BOC: variants seen among roughly 807,000 people sequenced by gnomAD.
BOC encodes BOC cell adhesion associated, oncogene regulated, also known as brother of CDO.
Under a neutral mutation model 112.0 loss-of-function variants are expected in BOC, and 76 were observed. That is an observed-to-expected ratio of 0.68 (90% CI 0.56 to 0.82). The LOEUF (loss-of-function observed/expected upper bound fraction) is 0.82. Ranked by LOEUF, BOC falls within the 40% of genes least tolerant of loss-of-function variation. The pLI is 0.00. For missense variants in BOC, 1,309 were observed against 1,511.7 expected (o/e 0.87, Z 2.22); for synonymous variants, 580 against 599.8 (o/e 0.97, Z 0.48).
Position 113,255,523 on chromosome 3 carries a change from C to T in BOC, c.376+4690C>T, listed in dbSNP as rs16860716. On this transcript the variant is annotated intron_variant, in intron 4 of 19. Transcript: ENST00000682979. ...TATTCTCCCAATTCTCCCATCATCC[C>T]TAGGTCCCACTGGTAGCTGGAAATA... 5.4e-3 allele frequency among the ~76,000 whole-genome samples: 820 copies of T among 152,324 alleles called. 6 individuals are homozygous for T. The highest frequency in any genetic ancestry group is 0.018 in the African/African-American group (766 of 41,574).
intron 16 of BOC, among the ~76,000 whole-genome samples, chr3:113,284,105 T>C (rs186812962): frequency 5.9e-5 from 9 of 152,188 alleles, no homozygotes; most frequent in Admixed American, 2.0e-4. Context: ...CCCTGGACCC[T>C]GTATCTCCCC....
At chr3:113,243,258 A>T (rs895938176) in intron 2 of BOC, among the ~76,000 whole-genome samples, 1 of 152,244 alleles carries the variant, frequency 6.6e-6, no homozygotes, top group African/African-American at 2.4e-5. Flanking sequence ...AAAACAGCAG[A>T]GCTGACCCTT....
intron 5 of BOC, 25 bp downstream of exon 5, chr3:113,268,470 C>T (rs769657090): frequency 1.4e-5 from 23 of 1,610,010 alleles, no homozygotes; most frequent in African/African-American, 4.0e-5. Flanking sequence ...GCCCAGAGGC[C>T]AAGGCTGAGG....
intron 2 of BOC, among the ~76,000 whole-genome samples, chr3:113,223,851 G>T (rs775681973): frequency 1.4e-4 from 21 of 152,198 alleles, no homozygotes; most frequent in Non-Finnish European, 2.4e-4. Flanking sequence ...GAGACCCCTC[G>T]CCCGCAACCA....
chr3:113,230,641 T>G (rs922636245), intron 2 of BOC, among the ~76,000 whole-genome samples: 1 of 152,240 alleles, frequency 6.6e-6, no homozygotes, highest in African/African-American at 2.4e-5. Flanking sequence ...ACATGTTAAT[T>G]CAACAAGTGG....
chr3:113,279,155 C>G, intron 11 of BOC, 94 bp from the exon 12 acceptor site: 1 of 1,327,188 alleles, frequency 7.5e-7, no homozygotes, highest in Non-Finnish European at 1.1e-6. Context: ...AGGAGCAGGC[C>G]AGGCCCAGTG....
rs879025887 is a variant in BOC, at chr3:113,273,084, C to T, written c.977C>T (p.Thr326Ile). 6.2e-7 allele frequency: 1 copy of T among 1,605,060 alleles called. No individual in the cohort carries two copies. Among genetic ancestry groups the T allele is most frequent in the Admixed American group, 1.7e-5 (1 of 59,828 alleles). ...NVQVFEPPEV[T>I]MELSQLVIPW... ...TTCCTGGCAGAACCCCCTGAGGTCA[C>T]CATGGAGCTATCCCAGCTGGTCATC... The change falls in exon 8 of 20, where the codon ACC (threonine) becomes ATC (isoleucine). Residue 326 changes from threonine to isoleucine, a missense_variant. Physicochemically the swap from Thr to Ile is moderately conservative, Grantham distance 89. Transcript: ENST00000682979.
intron 2 of BOC, among the ~76,000 whole-genome samples, chr3:113,235,430 T>C (rs1352475624): frequency 6.6e-6 from 1 of 152,124 alleles, no homozygotes; most frequent in East Asian, 1.9e-4. Context: ...GGAGGGATTA[T>C]AGGGGTATGT....
chr3:113,224,638 AG>A (rs997554388), intron 2 of BOC, among the ~76,000 whole-genome samples: 6 of 152,196 alleles, frequency 3.9e-5, no homozygotes, highest in African/African-American at 1.4e-4. Context: ...AAAGGTAGAC[AG>A]GGTTCCAACC....
rs114404420 is a variant in BOC, at chr3:113,216,517, A to G, written c.-82+243A>G. The G allele has an allele frequency of 5.2e-3, 1,439 of 278,242 alleles. 19 individuals are homozygous for G. The highest frequency in any genetic ancestry group is 0.029 in the African/African-American group (1,351 of 46,026). The allele number at this position is 278,242 out of a possible 1,614,324, so 17.2% of individuals were successfully genotyped here. ...TGGCAAGCTCTGTCAGACATGTTAG[A>G]TACAAACCGTTTACTATGGGATTTG... On this transcript the variant is annotated intron_variant, in intron 2 of 19. Transcript: ENST00000682979.
At chr3:113,236,891 G>T (rs1025853843) in intron 2 of BOC, among the ~76,000 whole-genome samples, 1 of 152,088 alleles carries the variant, frequency 6.6e-6, no homozygotes, top group Non-Finnish European at 1.5e-5. Context: ...TTGCTTTTGC[G>T]CATTATCTTA....
intron 2 of BOC, among the ~76,000 whole-genome samples, chr3:113,226,419 G>A (rs1182180214): frequency 5.9e-5 from 9 of 152,260 alleles, no homozygotes; most frequent in Admixed American, 2.6e-4. Flanking sequence ...ATGAGGGTGG[G>A]CTTCTGGTTT....
At chr3:113,215,938 C>T (rs2107569995) in intron 1 of BOC, among the ~76,000 whole-genome samples, 1 of 152,284 alleles carries the variant, frequency 6.6e-6, no homozygotes, top group Middle Eastern at 3.4e-3. Flanking sequence ...GACTGCTGAA[C>T]ATAAAGGTAA....
intron 2 of BOC, among the ~76,000 whole-genome samples, chr3:113,224,596 T>A (rs1434472169): frequency 6.6e-6 from 1 of 152,184 alleles, no homozygotes; most frequent in Non-Finnish European, 1.5e-5. Flanking sequence ...GTGGACCATC[T>A]GATCCAGGCT....
chr3:113,220,824 C>T (rs908392734), intron 2 of BOC, among the ~76,000 whole-genome samples: 6 of 152,260 alleles, frequency 3.9e-5, no homozygotes, highest in South Asian at 2.1e-4. Flanking sequence ...GAAAAGGACT[C>T]GTGGCCAAAT....
chr3:113,278,077 A>AC lies in BOC; in HGVS notation c.1543-16dup. The AC allele has an allele frequency of 6.2e-7, 1 of 1,613,940 alleles. No homozygotes were observed. Among genetic ancestry groups the AC allele is most frequent in the Admixed American group, 1.7e-5 (1 of 60,006 alleles). On this transcript the variant is annotated splice_polypyrimidine_tract_variant and intron_variant, in intron 9 of 19. Coordinates refer to ENST00000682979, the MANE Select transcript of BOC (RefSeq NM_001378074.1). This position sits in a 1 kb window ranked among gnomAD's most constrained non-coding sequence, Gnocchi z 4.2. ...CCGAGGCTGAGATGCCGGTCTTTAT[A>AC]CCAGCTACCTTCTCCAGCAGGTCAC...
At chr3:113,222,154 T>G (rs1940804515) in intron 2 of BOC, among the ~76,000 whole-genome samples, 1 of 152,204 alleles carries the variant, frequency 6.6e-6, no homozygotes, top group Non-Finnish European at 1.5e-5. Flanking sequence ...TGGCTCGTGT[T>G]TATTTGTTCT....
chr3:113,283,672 G>GA (rs1227683939), intron 16 of BOC, 40 bp downstream of exon 16: 1 of 1,580,704 alleles, frequency 6.3e-7, no homozygotes, highest in Non-Finnish European at 8.7e-7. Flanking sequence ...TCCTGGGTGG[G>GA]AAATGGGGGC....
At chr3:113,260,667 TAGAACAGAACAGAACAGAACAGAAC>T (rs11455670) in intron 4 of BOC, among the ~76,000 whole-genome samples, 1 of 126,310 alleles carries the variant, frequency 7.9e-6, no homozygotes, top group Non-Finnish European at 1.6e-5. Flanking sequence ...TAGAATAGAA[TAGAACAGAACAGAACAGAACAGAAC>T]AGAACAGAAC....
Sources: allele counts gnomAD v4.1 joint callset (sites outside exome capture counted in the v4.1 genomes callset), GRCh38; gene constraint gnomAD v4.1.1; non-coding constraint Gnocchi (gnomAD v3.1); transcripts MANE v1.5; gene names NCBI Gene and HGNC (gene_info 2026-07-23, HGNC 2026-07-21).